The following PLBD2 variants were observed in gnomAD, a reference collection of about 807,000 sequenced individuals.
PLBD2 encodes the protein phospholipase B domain containing 2, also known as putative aminopeptidase PLBD2.
Under a neutral mutation model 68.3 loss-of-function variants are expected in PLBD2, and 51 were observed. That is an observed-to-expected ratio of 0.75 (90% CI 0.60 to 0.94). The LOEUF is 0.94. Ranked by LOEUF, PLBD2 falls within the 40% of genes least tolerant of loss-of-function variation. PLBD2 has a pLI of 0.00. For synonymous variants in PLBD2, 314 were observed against 339.3 expected (o/e 0.93, Z 0.82); for missense variants, 729 against 792.2 (o/e 0.92, Z 0.96).
At chr12:113,371,375 A>G (rs901258518) in intron 2 of PLBD2, among the ~76,000 whole-genome samples, 1 of 152,256 alleles carries the variant, frequency 6.6e-6, no homozygotes, top group African/African-American at 2.4e-5. Flanking sequence ...GAAATGGGTG[A>G]ATCTGAGATG....
Position 113,387,232 on chromosome 12 carries a change from T to A in PLBD2, c.1439+143T>A, listed in dbSNP as rs1593293032. The A allele has an allele frequency of 1.7e-5, 17 of 1,027,488 alleles. No individual in the cohort carries two copies. The East Asian group carries it at 4.6e-4, about 28-fold the overall frequency. 63.6% of individuals were successfully genotyped at this position (1,027,488 alleles called of 1,614,324 possible). On this transcript the variant is annotated intron_variant, in intron 10 of 11. Coordinates refer to ENST00000280800, the MANE Select transcript of PLBD2 (RefSeq NM_173542.4). ...GGGGTGGTCAGATGTTGGACACCAG[T>A]GCAGCAGCTCGGTGGCCGCTCTCCA...
In PLBD2 at chr12:113,374,835, C is replaced by G. The variant is rs1957424465; in HGVS notation, c.687C>G (p.Ala229=). 1 of 1,613,790 alleles carries G rather than the reference C, an allele frequency of 6.2e-7. No homozygotes were observed. The part of the protein sequence containing the change: ...LSGDLEDLEL[A]LNKTKIKPSL... ...GGGACCTGGAAGACCTGGAGCTGGC[C>G]CTGAACAAGACCAAGATCAAACCTT... The change falls in exon 5 of 12, where the codon GCC becomes GCG. Residue 229 remains alanine, a synonymous_variant. Transcript: ENST00000280800.
intron 5 of PLBD2, among the ~76,000 whole-genome samples, chr12:113,378,451 G>A (rs1014689341): frequency 1.3e-5 from 2 of 151,986 alleles, no homozygotes; most frequent in Non-Finnish European, 2.9e-5. Flanking sequence ...AATTATTTGC[G>A]ACTTCCTTCT....
chr12:113,373,820 C>T (rs924075085), intron 3 of PLBD2, among the ~76,000 whole-genome samples: 16 of 150,796 alleles, frequency 1.1e-4, no homozygotes, highest in Admixed American at 6.6e-5. Flanking sequence ...TTCACACACC[C>T]GTCCATCCAT....
chr12:113,363,160 C>G (rs946420816), intron 1 of PLBD2, among the ~76,000 whole-genome samples: 1 of 151,612 alleles, frequency 6.6e-6, no homozygotes, highest in Non-Finnish European at 1.5e-5. Flanking sequence ...TCTGGCCGGG[C>G]GCTGTGGCTT....
chr12:113,360,337 C>A (rs1214516350), intron 1 of PLBD2, among the ~76,000 whole-genome samples: 1 of 152,136 alleles, frequency 6.6e-6, no homozygotes, highest in Non-Finnish European at 1.5e-5. Flanking sequence ...ATGTTTTTGG[C>A]CCTGCATAGC....
chr12:113,377,521 G>C (rs1957445893), intron 5 of PLBD2, among the ~76,000 whole-genome samples: 1 of 152,146 alleles, frequency 6.6e-6, no homozygotes, highest in African/African-American at 2.4e-5. Context: ...TGCTTCCTAG[G>C]TTCAAGCGAT....
Position 113,387,830 on chromosome 12 carries a change from C to T in PLBD2, c.1526C>T (p.Ser509Phe), listed in dbSNP as rs202237058. 5.6e-6 allele frequency: 9 copies of T among 1,614,118 alleles called. No individual in the cohort carries two copies. The highest frequency in any genetic ancestry group is 5.1e-6 in the Non-Finnish European group (6 of 1,180,038). ...GGGGAGAATGCTATCTCCGCCCGCTCCGACCTCAACCCGGCCAATGGCTCC... is the reference window on the plus strand; with the variant it reads ...GGGGAGAATGCTATCTCCGCCCGCTTCGACCTCAACCCGGCCAATGGCTCC... ...PNGENAISAR[S>F]DLNPANGSYP... The change falls in exon 11 of 12, where the codon TCC (serine) becomes TTC (phenylalanine). Residue 509 changes from serine (S) to phenylalanine (F), a missense_variant. Coordinates refer to ENST00000280800, the MANE Select transcript of PLBD2 (RefSeq NM_173542.4).
intron 8 of PLBD2, 30 bp from the exon 9 acceptor site, chr12:113,385,182 C>A: frequency 6.2e-7 from 1 of 1,612,402 alleles, no homozygotes; most frequent in Non-Finnish European, 8.5e-7. Flanking sequence ...TTTCTGATCA[C>A]CTCCACCCCA....
intron 2 of PLBD2, 106 bp downstream of exon 2, chr12:113,369,315 C>A: frequency 1.3e-6 from 1 of 764,244 alleles, no homozygotes; most frequent in Non-Finnish European, 1.9e-6. Flanking sequence ...CCAACTCCTG[C>A]CACAGCCCTT....
chr12:113,365,872 T>C (rs1286141309), intron 1 of PLBD2, among the ~76,000 whole-genome samples: 3 of 152,166 alleles, frequency 2.0e-5, no homozygotes, highest in Non-Finnish European at 4.4e-5. Flanking sequence ...TCACAGATTG[T>C]AGTCAGATAA....
In PLBD2 at chr12:113,390,131, A is replaced by G. The variant is rs1477468286; in HGVS notation, c.*1505A>G. ...TTTGTATTGGTCTGTATACCACAGC[A>G]TGGCTTACGAAGTTCTTATCTATCT... On this transcript the variant is annotated 3_prime_UTR_variant, in exon 12 of 12. Coordinates refer to ENST00000280800, the MANE Select transcript of PLBD2 (RefSeq NM_173542.4). 2.6e-5 allele frequency: 4 copies of G among 151,908 alleles called. No individual in the cohort carries two copies. Among genetic ancestry groups the G allele is most frequent in the Admixed American group, 2.6e-4 (4 of 15,242 alleles). The allele number at this position is 151,908 out of a possible 1,614,324, so 9.4% of individuals were successfully genotyped here. A position where few individuals can be genotyped will look rare whatever the true frequency, so the allele number is the denominator to read the frequency against.
intron 4 of PLBD2, 94 bp downstream of exon 4, chr12:113,374,668 C>A: frequency 6.9e-7 from 1 of 1,451,988 alleles, no homozygotes. Context: ...TTGCCACTCC[C>A]TGGCTCTGTG....
chr12:113,384,810 G>A lies in PLBD2; in HGVS notation c.1119-41G>A, dbSNP rs750774386. 6.5e-6 allele frequency: 10 copies of A among 1,550,256 alleles called. No homozygotes were observed. In the Admixed American group the frequency reaches 1.3e-4, roughly 21 times the overall value. The stretch of plus-strand genomic sequence containing the variant: ...CAGGGTGGGGAAAGCTGGGGAGGTG[G>A]CTCCAGGCTCTGTTCAGTCCTCCCT... On this transcript the variant is annotated intron_variant, in intron 7 of 11. Transcript: ENST00000280800. The surrounding 1 kb of genome is among the most constrained non-coding windows in gnomAD (Gnocchi z 4.2).
chr12:113,368,677 A>T (rs987160210), intron 1 of PLBD2, among the ~76,000 whole-genome samples: 1 of 152,154 alleles, frequency 6.6e-6, no homozygotes, highest in African/African-American at 2.4e-5. Context: ...ATGGCATGTG[A>T]CATAAGTCTG....
At chr12:113,373,731 CCACT>C (rs1957410561) in intron 3 of PLBD2, among the ~76,000 whole-genome samples, 1 of 151,202 alleles carries the variant, frequency 6.6e-6, no homozygotes, top group Non-Finnish European at 1.5e-5. Context: ...ACCCACCCAC[CCACT>C]CACTCATCTA....
chr12:113,367,748 CAAA>C (rs563757349), intron 1 of PLBD2, among the ~76,000 whole-genome samples: 13 of 64,272 alleles, frequency 2.0e-4, no homozygotes, highest in Admixed American at 1.7e-4. Context: ...GATGCTGTCT[CAAA>C]AAAAAAAAAA....
chr12:113,365,470 C>T (rs534279919), intron 1 of PLBD2, among the ~76,000 whole-genome samples: 2 of 152,126 alleles, frequency 1.3e-5, no homozygotes, highest in South Asian at 4.2e-4. Context: ...CGCACCACTA[C>T]ACCCAGCTAA....
chr12:113,384,403 A>G lies in PLBD2; in HGVS notation c.1118+138A>G. 1 of 1,151,850 alleles carries G rather than the reference A, an allele frequency of 8.7e-7. No individual in the cohort carries two copies. The allele number at this position is 1,151,850 out of a possible 1,614,324, so 71.4% of individuals were successfully genotyped here. A position where few individuals can be genotyped will look rare whatever the true frequency, so the allele number is the denominator to read the frequency against. Reference sequence around the variant, plus strand: ...GCCCTCCTTTGTTTCATACATGGGGAGACTGAGGCTAGGGAAGGAAAGGAT... The same window carrying G: ...GCCCTCCTTTGTTTCATACATGGGGGGACTGAGGCTAGGGAAGGAAAGGAT... On this transcript the variant is annotated intron_variant, in intron 7 of 11. Transcript: ENST00000280800. This position sits in a 1 kb window ranked among gnomAD's most constrained non-coding sequence, Gnocchi z 4.2.
Sources: allele counts gnomAD v4.1 joint callset (sites outside exome capture counted in the v4.1 genomes callset), GRCh38; gene constraint gnomAD v4.1.1; non-coding constraint Gnocchi (gnomAD v3.1); transcripts MANE v1.5; gene names NCBI Gene and HGNC (gene_info 2026-07-23, HGNC 2026-07-21).